CYLD: variants seen among roughly 807,000 people sequenced by gnomAD.
CYLD encodes ubiquitin carboxyl-terminal hydrolase CYLD.
Under a neutral mutation model 104.5 loss-of-function variants are expected in CYLD, and 26 were observed. The ratio of observed to expected loss-of-function variants is 0.25; its 90% CI spans 0.18 to 0.35. The LOEUF is 0.35. CYLD is among the 10% of genes least tolerant of loss of function. The pLI, the probability that CYLD is intolerant of heterozygous loss-of-function variation, is 1.00. For synonymous variants in CYLD, 385 were observed against 399.9 expected (o/e 0.96, Z 0.45); for missense variants, 703 against 1,136.1 (o/e 0.62, Z 5.48).
In CYLD at chr16:50,761,659, A is replaced by G. The variant is rs149404742; in HGVS notation, c.913+7235A>G. 1.8e-3 allele frequency among the ~76,000 whole-genome samples: 280 copies of G among 152,296 alleles called. 3 individuals carry two copies. Among genetic ancestry groups the G allele is most frequent in the African/African-American group, 6.5e-3 (269 of 41,550 alleles). ...GCTGTTGTATTCTTTTAGTTTTAAT[A>G]GATTCTGGATTTTGAGTTACTGTAA... On this transcript the variant is annotated intron_variant, in intron 5 of 18. Coordinates refer to ENST00000427738, the MANE Select transcript of CYLD (RefSeq NM_001378743.1).
In CYLD at chr16:50,794,254, G is replaced by A. The variant is rs758942834; in HGVS notation, c.2512G>A (p.Val838Met). Reference protein sequence around the residue: ...PKRLNHKYNPVSLPKDLPDWD... With the variant: ...PKRLNHKYNPMSLPKDLPDWD... ...GAGGCTGAATCATAAATATAACCCA[G>A]TGTCACTTCCCAAAGACTTACCCGA... The change falls in exon 18 of 19, where the codon GTG becomes ATG. Residue 838 changes from valine (V) to methionine (M), a missense_variant. Physicochemically the swap from Val to Met is conservative, Grantham distance 21. Transcript: ENST00000427738. This position sits in a 1 kb window ranked among gnomAD's most constrained non-coding sequence, Gnocchi z 4.1. 1 of 1,614,134 alleles carries A rather than the reference G, an allele frequency of 6.2e-7. No homozygotes were observed. Among genetic ancestry groups the A allele is most frequent in the East Asian group, 2.2e-5 (1 of 44,874 alleles).
Position 50,777,846 on chromosome 16 carries a change from A to G in CYLD, c.1043A>G (p.Asn348Ser). The G allele has an allele frequency of 6.2e-7, 1 of 1,601,884 alleles. No individual in the cohort carries two copies. Among genetic ancestry groups the G allele is most frequent in the Non-Finnish European group, 8.6e-7 (1 of 1,169,460 alleles). ...KATGSTSDPGNRNRSELFYTL... is the reference protein window; with the variant it reads ...KATGSTSDPGSRNRSELFYTL... Reference sequence around the variant, plus strand: ...ATAGGATCTACCTCAGACCCTGGAAATAGAAACAGATCTGAATTATTTTAT... The same window carrying G: ...ATAGGATCTACCTCAGACCCTGGAAGTAGAAACAGATCTGAATTATTTTAT... The change falls in exon 8 of 19, where the codon AAT becomes AGT. Residue 348 changes from asparagine to serine, a missense_variant. Around this residue, in one of 5 missense-constraint regions of CYLD, gnomAD observed 183 missense variants for 212.1 expected, o/e 0.86. Coordinates refer to ENST00000427738, the MANE Select transcript of CYLD (RefSeq NM_001378743.1).
chr16:50,795,999 A>C (rs1972005853), intron 18 of CYLD, among the ~76,000 whole-genome samples: 1 of 152,224 alleles, frequency 6.6e-6, no homozygotes, highest in Admixed American at 6.5e-5. Flanking sequence ...TCTGGGAGGA[A>C]ATGAAATGTG....
intron 10 of CYLD, among the ~76,000 whole-genome samples, chr16:50,781,766 A>G (rs911201475): frequency 2.0e-5 from 3 of 151,632 alleles, no homozygotes; most frequent in African/African-American, 7.3e-5. Flanking sequence ...TGTTTACAGC[A>G]GTGAGTGTAT....
chr16:50,790,734 A>G (rs1313603413), intron 14 of CYLD, among the ~76,000 whole-genome samples: 2 of 152,024 alleles, frequency 1.3e-5, no homozygotes, highest in African/African-American at 2.4e-5. Context: ...AGTGAAAACT[A>G]TGTTAATATT....
intron 6 of CYLD, 147 bp from the exon 7 acceptor site, chr16:50,776,032 C>A: frequency 1.5e-6 from 1 of 665,462 alleles, no homozygotes. Context: ...TTTTTCAATA[C>A]TTTTGATGGC....
chr16:50,768,284 A>T (rs890055540), intron 5 of CYLD, among the ~76,000 whole-genome samples: 1 of 152,176 alleles, frequency 6.6e-6, no homozygotes. Context: ...AATGAAAATT[A>T]ATTTAGTTTA....
intron 14 of CYLD, among the ~76,000 whole-genome samples, chr16:50,788,131 A>C (rs1281583610): frequency 3.3e-5 from 5 of 152,208 alleles, no homozygotes; most frequent in Non-Finnish European, 7.4e-5. Context: ...AACTGTATAT[A>C]TATTTTCATA....
intron 7 of CYLD, among the ~76,000 whole-genome samples, chr16:50,777,207 T>C (rs16948811): frequency 0.2 from 30,192 of 152,034 alleles, 4,432 homozygotes; most frequent in African/African-American, 0.42. Flanking sequence ...CTGTGTGTGG[T>C]ATGTCCTTGA....
Position 50,796,588 on chromosome 16 carries a change from C to T in CYLD, c.*80C>T, listed in dbSNP as rs983593351. The T allele has an allele frequency of 9.9e-6, 14 of 1,411,214 alleles. No individual in the cohort carries two copies. The highest frequency in any genetic ancestry group is 1.3e-5 in the Non-Finnish European group (13 of 1,009,204). 87.4% of individuals were successfully genotyped at this position (1,411,214 alleles called of 1,614,324 possible). A position where few individuals can be genotyped will look rare whatever the true frequency, so the allele number is the denominator to read the frequency against. On this transcript the variant is annotated 3_prime_UTR_variant, in exon 19 of 19. Coordinates refer to ENST00000427738, the MANE Select transcript of CYLD (RefSeq NM_001378743.1). The stretch of plus-strand genomic sequence containing the variant: ...TTATTCGAGCTGGCAGTTCTGTTCA[C>T]GTCCATTGCCGGCAATGGATGTCTT...
At chr16:50,795,573 G>A (rs913809228) in intron 18 of CYLD, 1 of 702,850 alleles carries the variant, frequency 1.4e-6, no homozygotes, top group Non-Finnish European at 2.6e-6. Flanking sequence ...CAGCCCCCAC[G>A]GCCTTCTGGT....
rs1386625034 is a variant in CYLD at position 50,797,979 on chromosome 16, G to A, written c.*1471G>A. ...TTTGCACAAGGTTTTATACTGCTAA[G>A]TGCTTGGTTGGGGTGGTGAGATGAT... is the stretch of plus-strand genomic sequence containing the variant. On this transcript the variant is annotated 3_prime_UTR_variant, in exon 19 of 19. Transcript: ENST00000427738. 9 of 232,158 alleles carry A rather than the reference G, an allele frequency of 3.9e-5. No homozygotes were observed. The highest frequency in any genetic ancestry group is 7.7e-5 in the Non-Finnish European group (9 of 117,404). The allele number at this position is 232,158 out of a possible 1,614,324, so 14.4% of individuals were successfully genotyped here.
At position 50,781,412 on chromosome 16, in the gene CYLD, G is replaced by A. The variant is rs2150996140; in HGVS notation, c.1684+1G>A. ...CAGATTGAGCGCTGTAACTCTTTAGGTATTTGGATGCTTTTTGTTTACTTA... is the reference window on the plus strand; with the variant it reads ...CAGATTGAGCGCTGTAACTCTTTAGATATTTGGATGCTTTTTGTTTACTTA... On this transcript the variant is annotated splice_donor_variant, in intron 10 of 18. Coordinates refer to ENST00000427738, the MANE Select transcript of CYLD (RefSeq NM_001378743.1). LOFTEE classifies it high-confidence loss of function. 1 of 1,613,186 alleles carries A rather than the reference G, an allele frequency of 6.2e-7. No homozygotes were observed. Among genetic ancestry groups the A allele is most frequent in the Non-Finnish European group, 8.5e-7 (1 of 1,179,802 alleles).
At chr16:50,765,638 T>C (rs1968421048) in intron 5 of CYLD, among the ~76,000 whole-genome samples, 1 of 152,222 alleles carries the variant, frequency 6.6e-6, no homozygotes, top group Non-Finnish European at 1.5e-5. Context: ...ACTAGGCCTC[T>C]TGTGCCAAAG....
Position 50,799,312 on chromosome 16 carries a change from T to C in CYLD, c.*2804T>C, listed in dbSNP as rs977091467. 5 of 233,348 alleles carry C rather than the reference T, an allele frequency of 2.1e-5. No homozygotes were observed. Among genetic ancestry groups the C allele is most frequent in the Admixed American group, 5.6e-5 (1 of 17,774 alleles). The allele number at this position is 233,348 out of a possible 1,614,324, so 14.5% of individuals were successfully genotyped here. A position where few individuals can be genotyped will look rare whatever the true frequency, so the allele number is the denominator to read the frequency against. On this transcript the variant is annotated 3_prime_UTR_variant, in exon 19 of 19. Transcript: ENST00000427738. ...GTGTGTGTCTGTGTGTGTGTATATA[T>C]GTATGTGGCGGAGAGGGAGAGAGTG...
At chr16:50,793,351 A>G (rs866727607) in intron 16 of CYLD, among the ~76,000 whole-genome samples, 195 bp from the exon 17 acceptor site, 7 of 152,220 alleles carry the variant, frequency 4.6e-5, no homozygotes, top group Non-Finnish European at 1.0e-4. Context: ...TAGAAAAACT[A>G]TTTGGTCCAA....
chr16:50,752,447 A>C (rs867834581), intron 4 of CYLD, among the ~76,000 whole-genome samples: 4 of 152,302 alleles, frequency 2.6e-5, no homozygotes, highest in Middle Eastern at 3.4e-3. Context: ...AACCACATTG[A>C]TTTTGAGGAA....
At position 50,791,517 on chromosome 16, in the gene CYLD, A is replaced by C. The variant is rs748257911; in HGVS notation, c.2109-41A>C. The C allele has an allele frequency of 3.1e-6, 5 of 1,610,766 alleles. No individual in the cohort carries two copies. The South Asian group carries it at 5.5e-5, about 18-fold the overall frequency. ...CTTAACATTTTGATTTAAGCATTTG[A>C]TAAATAGGTTGTATGTATTTTTTTC... On this transcript the variant is annotated intron_variant, in intron 14 of 18. Transcript: ENST00000427738.
At position 50,796,867 on chromosome 16, in the gene CYLD, G is replaced by A. The variant is rs570093314; in HGVS notation, c.*359G>A. 2 of 351,668 alleles carry A rather than the reference G, an allele frequency of 5.7e-6. No homozygotes were observed. Among genetic ancestry groups the A allele is most frequent in the South Asian group, 3.8e-5 (1 of 26,584 alleles). The allele number at this position is 351,668 out of a possible 1,614,324, so 21.8% of individuals were successfully genotyped here. ...TAGTCCATTGAGAATGTAAATAAATGTGTCTTCTTTATGGACCAAGGATAT... is the reference window on the plus strand; with the variant it reads ...TAGTCCATTGAGAATGTAAATAAATATGTCTTCTTTATGGACCAAGGATAT... On this transcript the variant is annotated 3_prime_UTR_variant, in exon 19 of 19. Transcript: ENST00000427738.
Sources: allele counts gnomAD v4.1 joint callset (sites outside exome capture counted in the v4.1 genomes callset), GRCh38; gene constraint gnomAD v4.1.1; regional missense constraint gnomAD v4.1.1; non-coding constraint Gnocchi (gnomAD v3.1); transcripts MANE v1.5; gene names NCBI Gene and HGNC (gene_info 2026-07-23, HGNC 2026-07-21).